The following TENM2 variants were observed in gnomAD, a reference collection of about 807,000 sequenced individuals.
TENM2 encodes teneurin-2.
Under a neutral mutation model 245.2 loss-of-function variants are expected in TENM2, and 52 were observed. The ratio of observed to expected loss-of-function variants is 0.21; its 90% CI spans 0.17 to 0.27. TENM2 has a LOEUF of 0.27. Ranked by LOEUF, TENM2 falls within the 10% of genes least tolerant of loss-of-function variation. TENM2 has a pLI of 1.00. For synonymous variants in TENM2, 1,363 were observed against 1,438.9 expected, an observed-to-expected ratio of 0.95 and a Z score of 1.19; for missense variants, 3,046 against 3,666.8, an observed-to-expected ratio of 0.83 and a Z score of 4.37.
At chr5:168,019,614 A>G (rs1785965097) in intron 5 of TENM2, among the ~76,000 whole-genome samples, 1 of 152,160 alleles carries the variant, frequency 6.6e-6, no homozygotes. Context: ...AGCCCCTGGG[A>G]AAAAGGGGTA....
At chr5:167,285,775 C>T (rs1209635089) in intron 1 of TENM2, among the ~76,000 whole-genome samples, 1 of 152,236 alleles carries the variant, frequency 6.6e-6, no homozygotes, top group Non-Finnish European at 1.5e-5. Context: ...GCTGTGTGTG[C>T]ACTTTACATT....
At chr5:168,226,389 A>G (rs3733986) in intron 24 of TENM2, 126 bp downstream of exon 26, 434,987 of 775,462 alleles carry the variant, frequency 0.56, 126,984 homozygotes, top group African/African-American at 0.89. Context: ...CTAGCTTTCT[A>G]TTTTATTCAA....
At chr5:167,631,184 T>C (rs1047568349) in intron 2 of TENM2, among the ~76,000 whole-genome samples, 10 of 152,082 alleles carry the variant, frequency 6.6e-5, no homozygotes, top group African/African-American at 2.4e-4. Context: ...AAAAAGTCAG[T>C]AAGCTTGGCG....
the TENM2 span, among the ~76,000 whole-genome samples, chr5:167,228,853 C>G: frequency 6.6e-6 from 1 of 152,062 alleles, no homozygotes; most frequent in African/African-American, 2.4e-5. Flanking sequence ...TACAGGTACC[C>G]GCCACCACGC....
chr5:168,082,373 G>A (rs867678066), intron 7 of TENM2, among the ~76,000 whole-genome samples: 10 of 152,092 alleles, frequency 6.6e-5, no homozygotes, highest in South Asian at 2.1e-4. Flanking sequence ...CGATGGGTTC[G>A]AACATCCTCC....
chr5:167,077,266 A>G, the TENM2 span, among the ~76,000 whole-genome samples: 1 of 152,246 alleles, frequency 6.6e-6, no homozygotes, highest in African/African-American at 2.4e-5. Flanking sequence ...TTTAAACTTA[A>G]CAATTATCAT....
At chr5:167,656,144 CT>C (rs1299536678) in intron 2 of TENM2, among the ~76,000 whole-genome samples, 6 of 152,132 alleles carry the variant, frequency 3.9e-5, no homozygotes, top group African/African-American at 1.4e-4. Context: ...TAAATGCCAT[CT>C]TTTAACACTC....
chr5:167,006,412 A>T, the TENM2 span, among the ~76,000 whole-genome samples: 1 of 152,214 alleles, frequency 6.6e-6, no homozygotes, highest in Non-Finnish European at 1.5e-5. Flanking sequence ...GCTTGATGAA[A>T]ATGCTATAAA....
At chr5:167,933,304 C>T (rs1778430442) in intron 3 of TENM2, among the ~76,000 whole-genome samples, 1 of 152,132 alleles carries the variant, frequency 6.6e-6, no homozygotes, top group Non-Finnish European at 1.5e-5. Context: ...TAAACAAAAA[C>T]TTCAGAGATG....
At chr5:168,126,564 A>G (rs1461353586) in intron 11 of TENM2, among the ~76,000 whole-genome samples, 190 bp from the exon 14 acceptor site, 1 of 152,176 alleles carries the variant, frequency 6.6e-6, no homozygotes, top group Non-Finnish European at 1.5e-5. Flanking sequence ...ACACTTTGAG[A>G]GTCACTTCTC....
At chr5:167,473,916 C>G (rs1451869634) in intron 2 of TENM2, among the ~76,000 whole-genome samples, 1 of 152,160 alleles carries the variant, frequency 6.6e-6, no homozygotes. Flanking sequence ...AAAATTGGAG[C>G]TTTGCAATGG....
At chr5:167,736,363 C>T (rs1006104860) in intron 2 of TENM2, among the ~76,000 whole-genome samples, 1 of 152,096 alleles carries the variant, frequency 6.6e-6, no homozygotes, top group African/African-American at 2.4e-5. Context: ...ACAGCCAAAT[C>T]ATATCACAAA....
At position 167,712,916 on chromosome 5, in the gene TENM2, C is replaced by G. The variant is rs73801359; in HGVS notation, c.503-163070C>G. Among the ~76,000 whole-genome samples, 618 of 152,174 alleles carry G rather than the reference C, an allele frequency of 4.1e-3. 4 individuals are homozygous for G. The highest frequency in any genetic ancestry group is 0.014 in the African/African-American group (590 of 41,512). On this transcript the variant is annotated intron_variant, in intron 2 of 28. Transcript: ENST00000518659. ...ATTAGGTGAAAAAATCATGCTAGGTCTGGATTTTAGCATCTTCTTGCTAGA... is the reference window on the plus strand; with the variant it reads ...ATTAGGTGAAAAAATCATGCTAGGTGTGGATTTTAGCATCTTCTTGCTAGA...
At chr5:168,056,322 T>C (rs4588609) in intron 6 of TENM2, among the ~76,000 whole-genome samples, 24,750 of 152,204 alleles carry the variant, frequency 0.16, 2,103 homozygotes, top group South Asian at 0.24. Flanking sequence ...CATTTTTCTC[T>C]TTTTCATTGT....
At chr5:167,755,898 C>T (rs1225782250) in intron 2 of TENM2, among the ~76,000 whole-genome samples, 3 of 152,122 alleles carry the variant, frequency 2.0e-5, no homozygotes, top group Non-Finnish European at 4.4e-5. Context: ...GTGCTGCTGT[C>T]TCATCAGTAT....
the TENM2 span, among the ~76,000 whole-genome samples, chr5:166,995,002 C>A: frequency 6.6e-6 from 1 of 152,094 alleles, no homozygotes; most frequent in Non-Finnish European, 1.5e-5. Context: ...AAAATAATAA[C>A]GACATTTTTC....
intron 7 of TENM2, among the ~76,000 whole-genome samples, chr5:168,086,199 A>C (rs1167686348): frequency 6.6e-6 from 1 of 152,084 alleles, no homozygotes; most frequent in Non-Finnish European, 1.5e-5. Flanking sequence ...CCCTTCTGGG[A>C]AAGTAACAGC....
At chr5:167,332,844 A>T (rs1757539698) in intron 1 of TENM2, among the ~76,000 whole-genome samples, 1 of 152,162 alleles carries the variant, frequency 6.6e-6, no homozygotes, top group East Asian at 1.9e-4. Flanking sequence ...TAAAATAATA[A>T]TATTCTATAG....
At chr5:167,368,808 C>T (rs1354991386) in intron 1 of TENM2, among the ~76,000 whole-genome samples, 2 of 152,058 alleles carry the variant, frequency 1.3e-5, no homozygotes, top group Non-Finnish European at 2.9e-5. Context: ...TACCCCCACC[C>T]CAGGCCTCTG....
Sources: allele counts gnomAD v4.1 joint callset (sites outside exome capture counted in the v4.1 genomes callset), GRCh38; gene constraint gnomAD v4.1.1; transcripts MANE v1.5; gene names NCBI Gene and HGNC (gene_info 2026-07-23, HGNC 2026-07-21).